Variants in JPH3 observed in about 807,000 individuals in gnomAD.
JPH3 encodes the protein junctophilin-3.
Under a neutral mutation model 59.6 loss-of-function variants are expected in JPH3, and 11 were observed. The observed-to-expected ratio is 0.18, with a 90% CI of 0.12 to 0.31. The LOEUF (loss-of-function observed/expected upper bound fraction) is 0.31. Ranked by LOEUF, JPH3 falls within the 10% of genes least tolerant of loss-of-function variation. The pLI is 1.00. For missense variants in JPH3, 1,202 were observed against 1,105.7 expected (o/e 1.09, Z -1.24); for synonymous variants, 673 against 483.6 (o/e 1.39, Z -5.14).
chr16:87,635,211 G>C (rs2031697413), intron 1 of JPH3, among the ~76,000 whole-genome samples: 1 of 152,154 alleles, frequency 6.6e-6, no homozygotes. Context: ...CCCCACCCTG[G>C]GACCTCTCAG....
In JPH3 at chr16:87,655,829, A is replaced by G. The variant is rs140298181; in HGVS notation, c.1160+10794A>G. ...GCGTCTGCTCTGCCCACCTCGTAGG[A>G]GGCTCTGGATTGAATGAGGTTCGAC... On this transcript the variant is annotated intron_variant, in intron 2 of 4. Coordinates refer to ENST00000284262, the MANE Select transcript of JPH3 (RefSeq NM_020655.4). Among the ~76,000 whole-genome samples, 361 of 152,270 alleles carry G rather than the reference A, an allele frequency of 2.4e-3. 3 individuals carry two copies. Among genetic ancestry groups the G allele is most frequent in the African/African-American group, 8.2e-3 (339 of 41,550 alleles).
chr16:87,648,017 C>T (rs1250459081), intron 2 of JPH3, among the ~76,000 whole-genome samples: 2 of 152,182 alleles, frequency 1.3e-5, no homozygotes, highest in Non-Finnish European at 2.9e-5. Context: ...GTAGTGGCCT[C>T]GGCGTGGGGC....
chr16:87,633,378 G>T (rs549000474), intron 1 of JPH3, among the ~76,000 whole-genome samples: 1 of 151,420 alleles, frequency 6.6e-6, no homozygotes, highest in South Asian at 2.1e-4. Context: ...GGATGCCGGG[G>T]GTGGGGGTGG....
At chr16:87,629,858 A>G (rs780036233) in intron 1 of JPH3, among the ~76,000 whole-genome samples, 6 of 152,120 alleles carry the variant, frequency 3.9e-5, no homozygotes, top group South Asian at 2.1e-4. Context: ...TGGCCCATCA[A>G]TTGCGACAGA....
intron 1 of JPH3, among the ~76,000 whole-genome samples, chr16:87,639,964 T>G: frequency 6.6e-6 from 1 of 152,244 alleles, no homozygotes; most frequent in East Asian, 1.9e-4. Context: ...CATCCCTTGA[T>G]GGAGGAGGGA....
intron 4 of JPH3, 105 bp downstream of exon 4, chr16:87,690,631 C>T: frequency 8.3e-7 from 1 of 1,208,374 alleles, no homozygotes; most frequent in East Asian, 2.8e-5. Context: ...TCCCCTGTTC[C>T]TCTCCAGGGG....
intron 4 of JPH3, chr16:87,693,520 C>T (rs1978420): frequency 0.08 from 12,243 of 152,278 alleles, 663 homozygotes; most frequent in Admixed American, 0.18. Context: ...CTTAAAAATA[C>T]AAAAATTAGC....
rs1264124376 is a variant in JPH3, at chr16:87,602,640, G to A, written c.-507G>A. On this transcript the variant is annotated 5_prime_UTR_variant, in exon 1 of 5. Coordinates refer to ENST00000284262, the MANE Select transcript of JPH3 (RefSeq NM_020655.4). Reference sequence around the variant, plus strand: ...CCGCGGCCCCCAATATGGTGCAGCCGCCAGCGCCGCCGCCCGTGCCGCCGC... The same window carrying A: ...CCGCGGCCCCCAATATGGTGCAGCCACCAGCGCCGCCGCCCGTGCCGCCGC... Among the ~76,000 whole-genome samples the A allele has an allele frequency of 2.3e-5, 3 of 132,390 alleles. No homozygotes were observed. Among genetic ancestry groups the A allele is most frequent in the Non-Finnish European group, 4.9e-5 (3 of 60,854 alleles). The allele number at this position is 132,390 out of a possible 152,430, so 86.9% of individuals were successfully genotyped here. A position where few individuals can be genotyped will look rare whatever the true frequency, so the allele number is the denominator to read the frequency against.
intron 1 of JPH3, among the ~76,000 whole-genome samples, chr16:87,635,160 T>G (rs72810140): frequency 0.3 from 45,933 of 151,688 alleles, 7,139 homozygotes; most frequent in Non-Finnish European, 0.34. Flanking sequence ...GCTCAGGTCT[T>G]TAGTGGGCTC....
chr16:87,635,665 G>C (rs918661198), intron 1 of JPH3, among the ~76,000 whole-genome samples: 1 of 152,206 alleles, frequency 6.6e-6, no homozygotes, highest in Non-Finnish European at 1.5e-5. Context: ...GCTGTGGCTC[G>C]AGTGACACCT....
intron 2 of JPH3, among the ~76,000 whole-genome samples, chr16:87,649,493 T>C (rs1221893364): frequency 6.6e-6 from 1 of 152,214 alleles, no homozygotes; most frequent in African/African-American, 2.4e-5. Flanking sequence ...ATTGCTGTCC[T>C]TGATCTGCTG....
intron 2 of JPH3, among the ~76,000 whole-genome samples, chr16:87,679,457 C>G (rs1417907573): frequency 5.9e-5 from 9 of 152,218 alleles, no homozygotes; most frequent in Non-Finnish European, 8.8e-5. Context: ...AGAAGCTTCC[C>G]TCTTCCATCC....
intron 2 of JPH3, among the ~76,000 whole-genome samples, chr16:87,682,646 A>G (rs1030199790): frequency 6.6e-6 from 1 of 152,222 alleles, no homozygotes; most frequent in African/African-American, 2.4e-5. Context: ...ACTGGGGGAA[A>G]GCAATGTCTG....
chr16:87,643,377 C>A (rs1163402747), intron 1 of JPH3, among the ~76,000 whole-genome samples: 1 of 138,096 alleles, frequency 7.2e-6, no homozygotes, highest in Admixed American at 7.6e-5. Context: ...TGCTGCAGTC[C>A]CCACCCTCCC....
intron 1 of JPH3, among the ~76,000 whole-genome samples, chr16:87,608,459 G>A (rs2030609271): frequency 6.6e-6 from 1 of 152,198 alleles, no homozygotes; most frequent in Non-Finnish European, 1.5e-5. Flanking sequence ...TCCCCCGCTG[G>A]TAGCTTCATG....
intron 1 of JPH3, among the ~76,000 whole-genome samples, chr16:87,633,686 C>T (rs1334732835): frequency 6.6e-6 from 1 of 151,930 alleles, no homozygotes; most frequent in Non-Finnish European, 1.5e-5. Context: ...GTAGTACCAG[C>T]TACTCGGGAG....
At chr16:87,667,161 A>C (rs2032889703) in intron 2 of JPH3, among the ~76,000 whole-genome samples, 1 of 152,106 alleles carries the variant, frequency 6.6e-6, no homozygotes, top group Non-Finnish European at 1.5e-5. Context: ...CTCCCTCGTC[A>C]CGTGGCCTCT....
intron 2 of JPH3, among the ~76,000 whole-genome samples, chr16:87,656,336 G>A (rs902366820): frequency 1.3e-5 from 2 of 152,328 alleles, no homozygotes; most frequent in African/African-American, 2.4e-5. Flanking sequence ...TGAGACGGGG[G>A]GTGGGTTAGG....
intron 1 of JPH3, among the ~76,000 whole-genome samples, chr16:87,614,637 C>T (rs1029354230): frequency 2.1e-5 from 3 of 142,530 alleles, no homozygotes; most frequent in South Asian, 2.3e-4. Context: ...AGGGGGTCTG[C>T]GCCTCCCCGT....
Sources: allele counts gnomAD v4.1 joint callset (sites outside exome capture counted in the v4.1 genomes callset), GRCh38; gene constraint gnomAD v4.1.1; transcripts MANE v1.5; gene names NCBI Gene and HGNC (gene_info 2026-07-23, HGNC 2026-07-21).